The following HDAC9 variants were observed in gnomAD, a reference collection of about 807,000 sequenced individuals.
HDAC9 encodes the protein MEF-2 interacting transcription repressor (MITR) protein.
A neutral mutation model predicts 139.4 loss-of-function variants in HDAC9; 41 were observed. That is an observed-to-expected ratio of 0.29 (90% CI 0.23 to 0.38). The LOEUF is 0.38. Among genes scored for constraint, HDAC9 ranks in the 10% least tolerant of loss-of-function variants. The probability of loss-of-function intolerance (pLI) is 1.00; values close to 1 mark genes in which losing one functional copy is unlikely to be tolerated. For synonymous variants in HDAC9, 517 were observed against 476.2 expected (o/e 1.09, Z -1.12); for missense variants, 1,147 against 1,297.0 (o/e 0.88, Z 1.78).
chr7:18,387,513 C>T (rs1786053133), intron 1 of HDAC9, among the ~76,000 whole-genome samples: 2 of 152,070 alleles, frequency 1.3e-5, no homozygotes, highest in South Asian at 4.1e-4. Flanking sequence ...CCCGAAATGC[C>T]ATGTCACTCC....
Position 18,946,297 on chromosome 7 carries a change from A to G in HDAC9, c.2938-7849A>G, listed in dbSNP as rs553173844. 5.3e-5 allele frequency among the ~76,000 whole-genome samples: 8 copies of G among 152,224 alleles called. 1 individual carries two copies. In the South Asian group the frequency reaches 1.7e-3, roughly 32 times the overall value. On this transcript the variant is annotated intron_variant, in intron 23 of 25. Transcript: ENST00000686413. ...ATTTGGCCCCACTGCATTTTTATAT[A>G]AAATTTTAGAATCAGCTTGGGTGGT...
At chr7:18,413,837 G>A (rs1788799527) in intron 1 of HDAC9, among the ~76,000 whole-genome samples, 1 of 151,996 alleles carries the variant, frequency 6.6e-6, no homozygotes. Flanking sequence ...TTAGCATTTG[G>A]GCATTAGCTA....
chr7:18,244,482 A>T (rs909828438), intron 2 of HDAC9, among the ~76,000 whole-genome samples: 2 of 152,136 alleles, frequency 1.3e-5, no homozygotes, highest in Non-Finnish European at 2.9e-5. Context: ...GACTTCTCTG[A>T]GCTTACAGAT....
At chr7:18,151,349 G>C (rs1302455105) in intron 1 of HDAC9, among the ~76,000 whole-genome samples, 1 of 152,130 alleles carries the variant, frequency 6.6e-6, no homozygotes, top group Non-Finnish European at 1.5e-5. Flanking sequence ...TACTCCATTT[G>C]TTGAGATGGA....
intron 3 of HDAC9, among the ~76,000 whole-genome samples, chr7:18,588,980 G>T (rs755340962): frequency 1.3e-5 from 2 of 152,030 alleles, no homozygotes; most frequent in South Asian, 2.1e-4. Flanking sequence ...AATCAGTAGG[G>T]TTCAAACTTA....
chr7:18,629,865 A>C (rs962525359), intron 7 of HDAC9, among the ~76,000 whole-genome samples: 2 of 152,184 alleles, frequency 1.3e-5, no homozygotes, highest in Non-Finnish European at 2.9e-5. Context: ...TCAGACATGA[A>C]TGTACAAAAT....
At chr7:18,290,399 A>G, upstream of HDAC9, 1 of 450,350 alleles carries the variant, frequency 2.2e-6, no homozygotes, top group African/African-American at 2.0e-5. Flanking sequence ...TTGACTAACC[A>G]CTTCCCTTCC....
chr7:18,760,610 A>G (rs1789298225), intron 14 of HDAC9, among the ~76,000 whole-genome samples: 1 of 152,224 alleles, frequency 6.6e-6, no homozygotes, highest in Admixed American at 6.5e-5. Context: ...AGCATCAAAA[A>G]CAGAGAACTT....
At chr7:18,615,089 G>A (rs2128922255) in intron 6 of HDAC9, among the ~76,000 whole-genome samples, 1 of 152,142 alleles carries the variant, frequency 6.6e-6, no homozygotes, top group South Asian at 2.1e-4. Context: ...GTTATGGTGG[G>A]GCACAATTGT....
At chr7:18,344,463 AGATTATGTTAGT>A (rs1355358124) in intron 1 of HDAC9, among the ~76,000 whole-genome samples, 17 of 152,108 alleles carry the variant, frequency 1.1e-4, no homozygotes, top group Admixed American at 9.8e-4. Flanking sequence ...TTTCACATAT[AGATTATGTTAGT>A]GACTGTTTCA....
At chr7:18,890,913 A>G (rs1055245354) in intron 22 of HDAC9, among the ~76,000 whole-genome samples, 6 of 152,216 alleles carry the variant, frequency 3.9e-5, no homozygotes, top group Admixed American at 3.9e-4. Flanking sequence ...CAATTAGACC[A>G]AGGTAGTGTA....
chr7:18,745,088 C>T (rs539501968), intron 13 of HDAC9, among the ~76,000 whole-genome samples: 1 of 152,134 alleles, frequency 6.6e-6, no homozygotes, highest in Non-Finnish European at 1.5e-5. Context: ...AGTAGAATTC[C>T]ATATGAATTG....
intron 9 of HDAC9, 125 bp downstream of exon 9, chr7:18,644,918 G>A (rs1262247457): frequency 2.3e-6 from 2 of 882,582 alleles, no homozygotes; most frequent in Non-Finnish European, 3.2e-6. Context: ...CTCCTTCACT[G>A]TTTGCTATTT....
intron 2 of HDAC9, among the ~76,000 whole-genome samples, chr7:18,178,508 G>C (rs984828840): frequency 2.0e-5 from 3 of 152,082 alleles, no homozygotes; most frequent in African/African-American, 7.2e-5. Flanking sequence ...GCTAAGTTTG[G>C]CTCTTCTTCA....
intron 12 of HDAC9, among the ~76,000 whole-genome samples, chr7:18,685,101 C>G (rs982683023): frequency 6.6e-6 from 1 of 152,072 alleles, no homozygotes; most frequent in African/African-American, 2.4e-5. Context: ...CCTCCACCCT[C>G]ACTGTGGCTT....
intron 2 of HDAC9, among the ~76,000 whole-genome samples, chr7:18,529,971 A>C (rs1254856900): frequency 6.6e-6 from 1 of 152,090 alleles, no homozygotes; most frequent in African/African-American, 2.4e-5. Flanking sequence ...TTAGTGCTTT[A>C]AGAATGGAAT....
chr7:18,179,823 G>C (rs927555825), intron 2 of HDAC9, among the ~76,000 whole-genome samples: 5 of 152,068 alleles, frequency 3.3e-5, no homozygotes, highest in Non-Finnish European at 7.4e-5. Context: ...TGTTATGTTG[G>C]TATCATAAAA....
intron 21 of HDAC9, among the ~76,000 whole-genome samples, chr7:18,871,483 A>T (rs1798910919): frequency 6.6e-6 from 1 of 152,190 alleles, no homozygotes; most frequent in Non-Finnish European, 1.5e-5. Context: ...GGATACAGTC[A>T]TCTAAATGAT....
intron 2 of HDAC9, among the ~76,000 whole-genome samples, chr7:18,181,720 C>A (rs547287760): frequency 1.3e-5 from 2 of 152,058 alleles, no homozygotes; most frequent in South Asian, 4.2e-4. Context: ...CCCCCTACCC[C>A]ACCTTGTGCT....
Sources: allele counts gnomAD v4.1 joint callset (sites outside exome capture counted in the v4.1 genomes callset), GRCh38; gene constraint gnomAD v4.1.1; transcripts MANE v1.5; gene names NCBI Gene and HGNC (gene_info 2026-07-23, HGNC 2026-07-21).